PCMTD1: variants seen among roughly 807,000 people sequenced by gnomAD.
The protein encoded by PCMTD1 is protein-L-isoaspartate O-methyltransferase domain-containing protein 1.
Under a neutral mutation model 37.6 loss-of-function variants are expected in PCMTD1, and 12 were observed. That is an observed-to-expected ratio of 0.32 (90% CI 0.20 to 0.52). The LOEUF (loss-of-function observed/expected upper bound fraction) is 0.52, where lower values mean the gene tolerates loss of function less well. Among genes scored for constraint, PCMTD1 ranks in the 20% least tolerant of loss-of-function variants. The probability of loss-of-function intolerance (pLI) is 0.97; values close to 1 mark genes in which losing one functional copy is unlikely to be tolerated. For missense variants in PCMTD1, 235 were observed against 421.3 expected (o/e 0.56, Z 3.87); for synonymous variants, 117 against 135.8 (o/e 0.86, Z 0.96).
intron 1 of PCMTD1, among the ~76,000 whole-genome samples, chr8:51,872,433 C>G (rs955620981): frequency 6.6e-6 from 1 of 152,150 alleles, no homozygotes; most frequent in South Asian, 2.1e-4. Flanking sequence ...ATCCTTAACA[C>G]TTTTTAAAAT....
chr8:51,857,047 C>T (rs547151586), intron 2 of PCMTD1, among the ~76,000 whole-genome samples: 4 of 152,290 alleles, frequency 2.6e-5, no homozygotes, highest in Admixed American at 2.6e-4. Flanking sequence ...AGAGAAAGCA[C>T]GAGCACTGAG....
intron 2 of PCMTD1, among the ~76,000 whole-genome samples, chr8:51,854,774 G>A (rs2129284355): frequency 6.6e-6 from 1 of 152,184 alleles, no homozygotes; most frequent in Admixed American, 6.5e-5. Context: ...CTACTTGGGA[G>A]GATGAGGTAG....
intron 2 of PCMTD1, among the ~76,000 whole-genome samples, chr8:51,855,914 C>A (rs1038272917): frequency 6.6e-6 from 1 of 152,038 alleles, no homozygotes; most frequent in Admixed American, 6.5e-5. Context: ...GTGATCCACC[C>A]GCCTTGGCCT....
At chr8:51,831,298 A>C in intron 5 of PCMTD1, 146 bp downstream of exon 5, 1 of 130,826 alleles carries the variant, frequency 7.6e-6, no homozygotes, top group Non-Finnish European at 1.2e-5. Flanking sequence ...ACTGTCTCCA[A>C]AAAAAAAAAA....
At position 51,817,919 on chromosome 8, in the gene PCMTD1, T is replaced by C. The variant is rs1181070347; in HGVS notation, c.*2432A>G. On this transcript the variant is annotated 3_prime_UTR_variant, in exon 6 of 6. Coordinates refer to ENST00000522514, the MANE Select transcript of PCMTD1 (RefSeq NM_052937.4). ...AAACATGCCACGGTTCTAGGTCTGT[T>C]TTCTCATCTGCAAAATAAACACCCA... 8.8e-6 allele frequency: 4 copies of C among 456,708 alleles called. No homozygotes were observed. Among genetic ancestry groups the C allele is most frequent in the Non-Finnish European group, 1.8e-5 (4 of 226,996 alleles). The allele number at this position is 456,708 out of a possible 1,614,324, so 28.3% of individuals were successfully genotyped here.
At chr8:51,863,369 C>T (rs1585829171) in intron 1 of PCMTD1, among the ~76,000 whole-genome samples, 3 of 152,178 alleles carry the variant, frequency 2.0e-5, no homozygotes, top group Admixed American at 6.5e-5. Context: ...CAAATATGGT[C>T]TTTACCACAT....
At chr8:51,895,458 A>AT (rs1335130424) in intron 1 of PCMTD1, among the ~76,000 whole-genome samples, 1 of 152,202 alleles carries the variant, frequency 6.6e-6, no homozygotes, top group Non-Finnish European at 1.5e-5. Context: ...CTCCAAGAAT[A>AT]TTTTAAGCTC....
At chr8:51,856,060 C>A (rs1461954724) in intron 2 of PCMTD1, among the ~76,000 whole-genome samples, 1 of 151,952 alleles carries the variant, frequency 6.6e-6, no homozygotes, top group Admixed American at 6.6e-5. Context: ...CTAAAGTAAG[C>A]TAATAAAGAA....
chr8:51,827,633 G>A (rs1027756813), intron 5 of PCMTD1, among the ~76,000 whole-genome samples: 3 of 152,056 alleles, frequency 2.0e-5, no homozygotes, highest in African/African-American at 7.2e-5. Context: ...ATACCCCCAA[G>A]AAAAAGGAGG....
At chr8:51,898,860 G>T in intron 1 of PCMTD1, 70 bp downstream of exon 1, 1 of 1,229,822 alleles carries the variant, frequency 8.1e-7, no homozygotes. Context: ...CATCCCAGTC[G>T]CCCGCCCGGC....
chr8:51,884,048 GTTTCT>G (rs2129293133), intron 1 of PCMTD1, among the ~76,000 whole-genome samples: 1 of 152,224 alleles, frequency 6.6e-6, no homozygotes, highest in Admixed American at 6.5e-5. Context: ...CGTGTCTTGA[GTTTCT>G]TTTCAATACA....
rs1563367741 is a variant in PCMTD1 at position 51,895,934 on chromosome 8, A to ATTTTTTTTTTTTTTTTTTT, written c.-96+2995_-96+2996insAAAAAAAAAAAAAAAAAAA. ...CTTTATTAATGTTAGTATTTGTCCC[A>ATTTTTTTTTTTTTTTTTTT]TTTCTTTTTTTTTTTTTTTTTTTTT... On this transcript the variant is annotated intron_variant, in intron 1 of 5. Coordinates refer to ENST00000522514, the MANE Select transcript of PCMTD1 (RefSeq NM_052937.4). 7 of 116,670 alleles carry ATTTTTTTTTTTTTTTTTTT rather than the reference A, an allele frequency of 6.0e-5. 2 individuals carry two copies. Among genetic ancestry groups the ATTTTTTTTTTTTTTTTTTT allele is most frequent in the Admixed American group, 9.4e-5 (1 of 10,620 alleles). 7.2% of individuals were successfully genotyped at this position (116,670 alleles called of 1,614,324 possible). A position where few individuals can be genotyped will look rare whatever the true frequency, so the allele number is the denominator to read the frequency against.
chr8:51,889,734 G>T (rs1423645999), intron 1 of PCMTD1, among the ~76,000 whole-genome samples: 1 of 152,114 alleles, frequency 6.6e-6, no homozygotes, highest in Non-Finnish European at 1.5e-5. Context: ...ACTACACAAT[G>T]CCAGGAAGCA....
At position 51,818,142 on chromosome 8, in the gene PCMTD1, T is replaced by G. The variant is rs1382743239; in HGVS notation, c.*2209A>C. ...TCTTATTCTAATATATCTGCATTAA[T>G]AGATAAAAAGGCTTTAGCTTTAATT... is the stretch of plus-strand genomic sequence containing the variant. On this transcript the variant is annotated 3_prime_UTR_variant, in exon 6 of 6. Coordinates refer to ENST00000522514, the MANE Select transcript of PCMTD1 (RefSeq NM_052937.4). 3.0e-6 allele frequency: 1 copy of G among 328,272 alleles called. No homozygotes were observed. The highest frequency in any genetic ancestry group is 5.9e-6 in the Non-Finnish European group (1 of 169,776). 20.3% of individuals were successfully genotyped at this position (328,272 alleles called of 1,614,324 possible). A position where few individuals can be genotyped will look rare whatever the true frequency, so the allele number is the denominator to read the frequency against.
At chr8:51,894,372 G>A (rs74352469) in intron 1 of PCMTD1, among the ~76,000 whole-genome samples, 160 of 152,228 alleles carry the variant, frequency 1.1e-3, no homozygotes, top group African/African-American at 3.6e-3. Context: ...TGAGGAACTC[G>A]GGCTTTCTTC....
chr8:51,848,867 T>C (rs1292160124), intron 2 of PCMTD1: 1 of 152,126 alleles, frequency 6.6e-6, no homozygotes, highest in Non-Finnish European at 1.5e-5. Context: ...TCTTTAATGA[T>C]CACTACTTAA....
chr8:51,846,943 T>C (rs904925466), intron 2 of PCMTD1, among the ~76,000 whole-genome samples: 1 of 152,206 alleles, frequency 6.6e-6, no homozygotes, highest in African/African-American at 2.4e-5. Flanking sequence ...TGTGTTCCAA[T>C]AGGAAAAATA....
At chr8:51,898,526 G>A (rs2039043966) in intron 1 of PCMTD1, among the ~76,000 whole-genome samples, 1 of 152,110 alleles carries the variant, frequency 6.6e-6, no homozygotes, top group East Asian at 1.9e-4. Context: ...GGGCCCGCGG[G>A]CATCTCAAGA....
At chr8:51,869,938 A>T (rs1356198741) in intron 1 of PCMTD1, among the ~76,000 whole-genome samples, 1 of 152,188 alleles carries the variant, frequency 6.6e-6, no homozygotes, top group Admixed American at 6.5e-5. Context: ...TCTTGCTATT[A>T]TTCCAAAATT....
Sources: allele counts gnomAD v4.1 joint callset (sites outside exome capture counted in the v4.1 genomes callset), GRCh38; gene constraint gnomAD v4.1.1; transcripts MANE v1.5; gene names NCBI Gene and HGNC (gene_info 2026-07-23, HGNC 2026-07-21).